The following ATRNL1 variants were observed in gnomAD, a reference collection of about 807,000 sequenced individuals.
The protein encoded by ATRNL1 is attractin-like protein 1.
ATRNL1 carries 95 observed loss-of-function variants against 182.7 expected under a neutral mutation model. That is an observed-to-expected ratio of 0.52 (90% CI 0.44 to 0.62). The LOEUF (loss-of-function observed/expected upper bound fraction) is 0.62, where lower values mean the gene tolerates loss of function less well. ATRNL1 is among the 20% of genes least tolerant of loss of function. The pLI is 0.00. For missense variants in ATRNL1, 1,471 were observed against 1,679.5 expected, an observed-to-expected ratio of 0.88 and a Z score of 2.17; for synonymous variants, 576 against 568.3, an observed-to-expected ratio of 1.01 and a Z score of -0.19.
At chr10:115,317,099 G>A (rs1175759924) in intron 18 of ATRNL1, among the ~76,000 whole-genome samples, 2 of 152,166 alleles carry the variant, frequency 1.3e-5, no homozygotes, top group African/African-American at 4.8e-5. Context: ...TATATAAGGT[G>A]TAAGGAATGG....
rs536848474 is a variant in ATRNL1, at chr10:115,290,383, G to A, written c.2415+3986G>A. Among the ~76,000 whole-genome samples, 8 of 152,222 alleles carry A rather than the reference G, an allele frequency of 5.3e-5. No homozygotes were observed. The South Asian group carries it at 1.7e-3, about 32-fold the overall frequency. ...ATTAAGAGCAGAGGTTGCCAGGCAT[G>A]GTGGCTCATGCCTGTAATTCCAGCA... On this transcript the variant is annotated intron_variant, in intron 15 of 28. Coordinates refer to ENST00000355044, the MANE Select transcript of ATRNL1 (RefSeq NM_207303.4).
chr10:115,584,443 T>C (rs1196048216), intron 26 of ATRNL1, among the ~76,000 whole-genome samples: 3 of 141,920 alleles, frequency 2.1e-5, no homozygotes, highest in African/African-American at 7.5e-5. Flanking sequence ...TATTGGTCTA[T>C]TCAGAGATTC....
intron 18 of ATRNL1, among the ~76,000 whole-genome samples, chr10:115,334,033 A>T (rs887345791): frequency 2.6e-5 from 4 of 152,172 alleles, no homozygotes; most frequent in African/African-American, 7.2e-5. Flanking sequence ...TATAACTTTT[A>T]TGTTCCAGTT....
chr10:115,448,941 G>C (rs1308347552), intron 21 of ATRNL1, among the ~76,000 whole-genome samples: 1 of 152,106 alleles, frequency 6.6e-6, no homozygotes, highest in Non-Finnish European at 1.5e-5. Context: ...AGTGTACAAA[G>C]AAGAGCTGGT....
rs116210309 is a variant in ATRNL1, at chr10:115,940,227, A to G, written c.4019-4431A>G. On this transcript the variant is annotated intron_variant, in intron 28 of 28. Coordinates refer to ENST00000355044, the MANE Select transcript of ATRNL1 (RefSeq NM_207303.4). The stretch of plus-strand genomic sequence containing the variant: ...AGACTAACTAGAAGTGGGGCATCCT[A>G]TGTGGTTAGGGGTACATATTTGGTT... 5.3e-3 allele frequency among the ~76,000 whole-genome samples: 809 copies of G among 152,232 alleles called. 6 individuals carry two copies. Among genetic ancestry groups the G allele is most frequent in the African/African-American group, 0.019 (778 of 41,560 alleles).
chr10:115,096,851 G>A, intron 1 of ATRNL1: 1 of 1,104,274 alleles, frequency 9.1e-7, no homozygotes, highest in Non-Finnish European at 1.1e-6. Flanking sequence ...TAAAACAAAA[G>A]GAACATTGAT....
intron 28 of ATRNL1, among the ~76,000 whole-genome samples, chr10:115,848,653 G>A (rs1950985094): frequency 1.3e-5 from 2 of 152,044 alleles, no homozygotes; most frequent in Admixed American, 6.5e-5. Flanking sequence ...TCATTGCGAT[G>A]GTGTTGTCCA....
chr10:115,744,721 A>C (rs1194906098), intron 27 of ATRNL1, among the ~76,000 whole-genome samples: 1 of 152,142 alleles, frequency 6.6e-6, no homozygotes, highest in East Asian at 1.9e-4. Flanking sequence ...ATGAATATGT[A>C]AATGCACGCA....
chr10:115,748,183 A>T (rs1948347338), intron 27 of ATRNL1, among the ~76,000 whole-genome samples: 1 of 151,976 alleles, frequency 6.6e-6, no homozygotes, highest in East Asian at 1.9e-4. Flanking sequence ...TGCTTTTCTG[A>T]TATTATTTAA....
intron 1 of ATRNL1, among the ~76,000 whole-genome samples, 157 bp downstream of exon 1, chr10:115,094,200 C>A (rs2084953449): frequency 6.6e-6 from 1 of 151,716 alleles, no homozygotes; most frequent in Non-Finnish European, 1.5e-5. Flanking sequence ...GAGAGTGGGG[C>A]CCGCGCCGCG....
chr10:115,093,680 G>A lies in ATRNL1; in HGVS notation c.-71G>A. 1 of 1,427,724 alleles carries A rather than the reference G, an allele frequency of 7.0e-7. No homozygotes were observed. Among genetic ancestry groups the A allele is most frequent in the Non-Finnish European group, 9.3e-7 (1 of 1,073,120 alleles). 88.4% of individuals were successfully genotyped at this position (1,427,724 alleles called of 1,614,324 possible). A position where few individuals can be genotyped will look rare whatever the true frequency, so the allele number is the denominator to read the frequency against. ...GGCGGCGGAGAGGTTTTCTGCGGCCGGAATTCCCTTCAACAGCATCCCTGT... is the reference window on the plus strand; with the variant it reads ...GGCGGCGGAGAGGTTTTCTGCGGCCAGAATTCCCTTCAACAGCATCCCTGT... On this transcript the variant is annotated 5_prime_UTR_variant, in exon 1 of 29. Coordinates refer to ENST00000355044, the MANE Select transcript of ATRNL1 (RefSeq NM_207303.4). This position sits in a 1 kb window ranked among gnomAD's most constrained non-coding sequence, Gnocchi z 6.1.
intron 24 of ATRNL1, among the ~76,000 whole-genome samples, chr10:115,470,790 T>A (rs910353813): frequency 2.0e-5 from 3 of 150,648 alleles, no homozygotes; most frequent in African/African-American, 7.3e-5. Flanking sequence ...ATAATTGAGA[T>A]GGACAAGATA....
chr10:115,294,824 C>T (rs1853097006), intron 15 of ATRNL1, among the ~76,000 whole-genome samples: 1 of 152,004 alleles, frequency 6.6e-6, no homozygotes, highest in East Asian at 1.9e-4. Context: ...GTTTCTTCAG[C>T]TATAATCCAC....
chr10:115,583,926 T>G (rs1855308708), intron 26 of ATRNL1, among the ~76,000 whole-genome samples: 1 of 152,034 alleles, frequency 6.6e-6, no homozygotes, highest in Non-Finnish European at 1.5e-5. Context: ...ATACGTCCCA[T>G]CAATACCTAA....
In ATRNL1 at chr10:115,839,506, A is replaced by G. The variant is rs182482875; in HGVS notation, c.3904-8371A>G. Among the ~76,000 whole-genome samples the G allele has an allele frequency of 1.1e-3, 165 of 151,996 alleles. 1 individual carries two copies. Among genetic ancestry groups the G allele is most frequent in the African/African-American group, 3.7e-3 (151 of 41,360 alleles). On this transcript the variant is annotated intron_variant, in intron 27 of 28. Transcript: ENST00000355044. ...TAGGCTGTATCCCCAATGAACTTCT[A>G]TCGATTTCCAATACAACCCATATGT...
At chr10:115,918,098 C>CTTTTTTTTTTTTTTTTTTTTTGT (rs534230786) in intron 28 of ATRNL1, among the ~76,000 whole-genome samples, 1 of 123,854 alleles carries the variant, frequency 8.1e-6, no homozygotes, top group Non-Finnish European at 1.7e-5. Context: ...TTTTTAGTGT[C>CTTTTTTTTTTTTTTTTTTTTTGT]TTTTTTTTTT....
chr10:115,939,403 T>G (rs1555123668), intron 28 of ATRNL1, among the ~76,000 whole-genome samples: 1 of 152,208 alleles, frequency 6.6e-6, no homozygotes, highest in Non-Finnish European at 1.5e-5. Flanking sequence ...CGGTTTATAC[T>G]TCCTATTTAA....
intron 27 of ATRNL1, among the ~76,000 whole-genome samples, chr10:115,840,223 A>AT (rs1950772386): frequency 6.6e-6 from 1 of 152,070 alleles, no homozygotes; most frequent in South Asian, 2.1e-4. Context: ...TGGCATTGGG[A>AT]TTAGATTTTT....
At position 115,425,699 on chromosome 10, in the gene ATRNL1, G is replaced by A. The variant is rs542379501; in HGVS notation, c.3270-551G>A. Among the ~76,000 whole-genome samples the A allele has an allele frequency of 1.2e-4, 18 of 152,076 alleles. No individual in the cohort carries two copies. The East Asian group carries it at 3.5e-3, about 29-fold the overall frequency. On this transcript the variant is annotated intron_variant, in intron 20 of 28. Coordinates refer to ENST00000355044, the MANE Select transcript of ATRNL1 (RefSeq NM_207303.4). ...AATTTAATCTATATTAGTCAATTTT[G>A]TTTGGGTTAGAGAAACCTTTTTTTC...
Sources: allele counts gnomAD v4.1 joint callset (sites outside exome capture counted in the v4.1 genomes callset), GRCh38; gene constraint gnomAD v4.1.1; non-coding constraint Gnocchi (gnomAD v3.1); transcripts MANE v1.5; gene names NCBI Gene and HGNC (gene_info 2026-07-23, HGNC 2026-07-21).